Variants in PTP4A2 observed in about 807,000 individuals in gnomAD.
The protein encoded by PTP4A2 is protein tyrosine phosphatase 4A2.
PTP4A2 carries 2 observed loss-of-function variants against 22.9 expected under a neutral mutation model. The observed-to-expected ratio is 0.09, with a 90% confidence interval of 0.04 to 0.27. The LOEUF (loss-of-function observed/expected upper bound fraction) is 0.27. PTP4A2 is among the 10% of genes least tolerant of loss of function. PTP4A2 has a pLI of 1.00. For missense variants in PTP4A2, 103 were observed against 205.1 expected, an observed-to-expected ratio of 0.50 and a Z score of 3.04; for synonymous variants, 68 against 69.1, an observed-to-expected ratio of 0.98 and a Z score of 0.08.
chr1:31,916,092 TC>T, intron 2 of PTP4A2, 105 bp from the exon 3 acceptor site: 2 of 686,312 alleles, frequency 2.9e-6, no homozygotes, highest in Non-Finnish European at 4.8e-6. Context: ...ACGCCTATAA[TC>T]CCAGCACTTT....
intron 1 of PTP4A2, among the ~76,000 whole-genome samples, chr1:31,934,147 A>T (rs1652841515): frequency 6.6e-6 from 1 of 152,070 alleles, no homozygotes. Context: ...TAATCCAGCT[A>T]CTCAGGAGGC....
chr1:31,920,294 T>C (rs1338229266), intron 1 of PTP4A2, among the ~76,000 whole-genome samples: 1 of 150,504 alleles, frequency 6.6e-6, no homozygotes, highest in African/African-American at 2.4e-5. Context: ...AAATACAAAA[T>C]TAGCCAGGCA....
chr1:31,921,989 G>A (rs913267375), intron 1 of PTP4A2: 4 of 152,066 alleles, frequency 2.6e-5, no homozygotes, highest in Non-Finnish European at 4.4e-5. Flanking sequence ...TGAGTTACTC[G>A]CTACAGTAAA....
rs1553211705 is a variant in PTP4A2 at position 31,922,627 on chromosome 1, TTTCTTTC to T, written c.-593-2976_-593-2970del. On this transcript the variant is annotated intron_variant, in intron 1 of 5. Coordinates refer to ENST00000647444, the MANE Select transcript of PTP4A2 (RefSeq NM_080391.4). ...CTTTCTTTCTTTCTTTCTTTCTTTC[TTTCTTTC>T]TTTTATTTATTTTGAGACAGGTTTT... 1.8e-4 allele frequency among the ~76,000 whole-genome samples: 21 copies of T among 116,882 alleles called. 1 individual carries two copies. The highest frequency in any genetic ancestry group is 7.8e-4 in the African/African-American group (21 of 27,038). 76.7% of individuals were successfully genotyped at this position (116,882 alleles called of 152,430 possible).
At chr1:31,925,668 G>A (rs1164432342) in intron 1 of PTP4A2, among the ~76,000 whole-genome samples, 1 of 151,892 alleles carries the variant, frequency 6.6e-6, no homozygotes, top group Non-Finnish European at 1.5e-5. Flanking sequence ...GCTGAGGCAG[G>A]AGAATGGCGT....
In PTP4A2 at chr1:31,916,053, G is replaced by A. The variant is rs1651813128; in HGVS notation, c.97-66C>T. 3.5e-6 allele frequency: 4 copies of A among 1,144,814 alleles called. No individual in the cohort carries two copies. In the South Asian group the frequency reaches 4.3e-5, roughly 12 times the overall value. 70.9% of individuals were successfully genotyped at this position (1,144,814 alleles called of 1,614,324 possible). A position where few individuals can be genotyped will look rare whatever the true frequency, so the allele number is the denominator to read the frequency against. On this transcript the variant is annotated intron_variant, in intron 2 of 5. Coordinates refer to ENST00000647444, the MANE Select transcript of PTP4A2 (RefSeq NM_080391.4). ...AACCTACAGCCAAAAATGTAGAAAT[G>A]TACTATTATAGGCCGGGCGGGGTGG...
intron 2 of PTP4A2, among the ~76,000 whole-genome samples, chr1:31,917,495 T>C (rs1290323241): frequency 1.3e-5 from 2 of 152,202 alleles, no homozygotes; most frequent in Non-Finnish European, 1.5e-5. Context: ...GTAATAGCCA[T>C]TCATTGAAAA....
chr1:31,933,517 C>T (rs935238390), intron 1 of PTP4A2: 2 of 152,052 alleles, frequency 1.3e-5, no homozygotes, highest in Non-Finnish European at 2.9e-5. Context: ...AACTCAACGC[C>T]TGAGCTCAGG....
At position 31,910,130 on chromosome 1, in the gene PTP4A2, T is replaced by G; in HGVS notation, c.321-18A>C. 6.3e-7 allele frequency: 1 copy of G among 1,594,570 alleles called. No homozygotes were observed. Among genetic ancestry groups the G allele is most frequent in the Non-Finnish European group, 8.6e-7 (1 of 1,163,568 alleles). On this transcript the variant is annotated intron_variant, in intron 4 of 5. Transcript: ENST00000647444. ...CAGGTGCCCTGCAGAAAGAAACCTGTATGTAAGTATCCATAAGTCTTGGAG... is the reference window on the plus strand; with the variant it reads ...CAGGTGCCCTGCAGAAAGAAACCTGGATGTAAGTATCCATAAGTCTTGGAG...
At chr1:31,921,093 T>C (rs1002005608) in intron 1 of PTP4A2, among the ~76,000 whole-genome samples, 3 of 152,242 alleles carry the variant, frequency 2.0e-5, no homozygotes, top group African/African-American at 7.2e-5. Flanking sequence ...TCCTATATGA[T>C]ACTGTAATGT....
chr1:31,930,161 A>AC (rs1000562638), intron 1 of PTP4A2, among the ~76,000 whole-genome samples: 18 of 151,954 alleles, frequency 1.2e-4, no homozygotes, highest in Non-Finnish European at 2.5e-4. Context: ...ACACGGTGAA[A>AC]CCCCGTCTCT....
chr1:31,909,052 T>C, intron 5 of PTP4A2, 92 bp from the exon 6 acceptor site: 1 of 903,966 alleles, frequency 1.1e-6, no homozygotes, highest in Non-Finnish European at 1.8e-6. Context: ...GCCTTTCTAA[T>C]TCCACACAGC....
At chr1:31,915,663 C>T (rs1651791431) in intron 3 of PTP4A2, 1 of 321,240 alleles carries the variant, frequency 3.1e-6, no homozygotes, top group Non-Finnish European at 5.8e-6. Context: ...CCTCAAAAAC[C>T]CAAGTAGCTG....
At chr1:31,933,561 C>G (rs993490425) in intron 1 of PTP4A2, 1 of 151,972 alleles carries the variant, frequency 6.6e-6, no homozygotes, top group Non-Finnish European at 1.5e-5. Context: ...ATAGCGAAAC[C>G]CTGTCTCTAC....
intron 3 of PTP4A2, among the ~76,000 whole-genome samples, chr1:31,913,497 T>A (rs982836568): frequency 1.1e-4 from 16 of 152,220 alleles, no homozygotes; most frequent in African/African-American, 3.9e-4. Flanking sequence ...CACGCTGTTT[T>A]CTATAGTGGT....
chr1:31,915,535 A>ATT (rs33976935), intron 3 of PTP4A2: 207 of 107,018 alleles, frequency 1.9e-3, no homozygotes, highest in African/African-American at 5.9e-3. Flanking sequence ...CAAGTTTTTA[A>ATT]TTTTTTTTTT....
At chr1:31,930,304 C>A (rs1652670016) in intron 1 of PTP4A2, among the ~76,000 whole-genome samples, 1 of 151,956 alleles carries the variant, frequency 6.6e-6, no homozygotes, top group Non-Finnish European at 1.5e-5. Flanking sequence ...TGTGCCACTG[C>A]ACTCCAACCT....
chr1:31,922,156 C>A (rs1283592845), intron 1 of PTP4A2, among the ~76,000 whole-genome samples: 1 of 152,172 alleles, frequency 6.6e-6, no homozygotes, highest in East Asian at 1.9e-4. Context: ...AATTTTAGAA[C>A]CAACAGAAAC....
chr1:31,912,442 C>A (rs1456968988), intron 3 of PTP4A2, among the ~76,000 whole-genome samples: 2 of 152,188 alleles, frequency 1.3e-5, no homozygotes, highest in Non-Finnish European at 2.9e-5. Flanking sequence ...CCCCATTTAA[C>A]AAGGACAGGG....
Sources: gnomAD v4.1 joint callset for allele counts (sites outside exome capture counted in the v4.1 genomes callset) on GRCh38, gnomAD v4.1.1 for gene constraint, MANE v1.5 for transcripts, NCBI Gene and HGNC (gene_info 2026-07-23, HGNC 2026-07-21) for gene names.